The following RSPH14 variants were observed in gnomAD, a reference collection of about 807,000 sequenced individuals.
RSPH14 encodes radial spoke head 14 homolog, also known as rhabdoid tumor deletion region gene 1.
A neutral mutation model predicts 26.7 loss-of-function variants in RSPH14; 20 were observed. That is an observed-to-expected ratio of 0.75 (90% CI 0.53 to 1.09). The LOEUF is 1.09. RSPH14 is among the 50% of genes least tolerant of loss of function. The probability of loss-of-function intolerance (pLI) is 0.00; values close to 1 mark genes in which losing one functional copy is unlikely to be tolerated. For missense variants in RSPH14, 449 were observed against 457.2 expected, an observed-to-expected ratio of 0.98 and a Z score of 0.16; for synonymous variants, 177 against 189.3, an observed-to-expected ratio of 0.93 and a Z score of 0.53.
rs73384400 is a variant in RSPH14 at position 23,109,264 on chromosome 22, G to A, written c.421+24762C>T. Reference sequence around the variant, plus strand: ...CCCAAGTGAGCCTGGCAGCAGAGCCGAGGGCAGCCCCACCAAAGCCACGGA... The same window carrying A: ...CCCAAGTGAGCCTGGCAGCAGAGCCAAGGGCAGCCCCACCAAAGCCACGGA... On this transcript the variant is annotated intron_variant, in intron 4 of 6. Coordinates refer to ENST00000216036, the MANE Select transcript of RSPH14 (RefSeq NM_014433.3). Among the ~76,000 whole-genome samples the A allele has an allele frequency of 5.3e-3, 802 of 152,308 alleles. 9 individuals are homozygous for A. The highest frequency in any genetic ancestry group is 0.017 in the African/African-American group (715 of 41,582).
chr22:23,064,322 G>A (rs1245044560), intron 4 of RSPH14, among the ~76,000 whole-genome samples, 189 bp from the exon 5 acceptor site: 1 of 152,230 alleles, frequency 6.6e-6, no homozygotes, highest in Non-Finnish European at 1.5e-5. Flanking sequence ...GGCAGCTGCA[G>A]TGACAGCCAT....
the RSPH14 span, chr22:23,179,910 G>T: frequency 7.6e-6 from 2 of 261,610 alleles, no homozygotes; most frequent in South Asian, 2.3e-4. Context: ...GAGGTGTGAG[G>T]AACTTACCTG....
rs779052557 is a variant in RSPH14 at position 23,138,804 on chromosome 22, G to A, written c.302+36C>T. On this transcript the variant is annotated intron_variant, in intron 3 of 6. Transcript: ENST00000216036. ...TCCACCCAGGGGAGAAGTGCGGCTC[G>A]CAAGCGTCACACTGGTTTCCAGAAC... The A allele has an allele frequency of 9.2e-6, 14 of 1,516,376 alleles. No homozygotes were observed. In the East Asian group the frequency reaches 1.5e-4, roughly 16 times the overall value. The allele number at this position is 1,516,376 out of a possible 1,614,324, so 93.9% of individuals were successfully genotyped here.
At chr22:23,180,455 G>A in the RSPH14 span, 1 of 169,468 alleles carries the variant, frequency 5.9e-6, no homozygotes, top group Non-Finnish European at 1.3e-5. Context: ...AGGCCCGCCT[G>A]GCTCCGTCAT....
At chr22:23,149,382 G>A (rs759812332), upstream of RSPH14, among the ~76,000 whole-genome samples, 4 of 152,202 alleles carry the variant, frequency 2.6e-5, no homozygotes, top group Non-Finnish European at 5.9e-5. Context: ...GTGAGGGTGG[G>A]TGGGGTACGT....
intron 4 of RSPH14, chr22:23,070,353 T>TGGCGGCAGGCGGCG (rs1555945381): frequency 7.0e-6 from 1 of 142,308 alleles, no homozygotes; most frequent in Non-Finnish European, 1.6e-5. Context: ...ACCCGCGGAC[T>TGGCGGCAGGCGGCG]GGCGGCGGGC....
At chr22:23,131,419 G>A (rs1476590388) in intron 4 of RSPH14, 9 of 264,152 alleles carry the variant, frequency 3.4e-5, no homozygotes, top group South Asian at 3.3e-4. Context: ...TGGGTGGGGG[G>A]AGGTTCACAG....
chr22:23,147,083 CTGT>C (rs2070820657), upstream of RSPH14, among the ~76,000 whole-genome samples: 1 of 152,202 alleles, frequency 6.6e-6, no homozygotes, highest in Admixed American at 6.5e-5. Context: ...GTCATAGTTG[CTGT>C]TGTTCTCATC....
intron 4 of RSPH14, among the ~76,000 whole-genome samples, chr22:23,080,041 G>A (rs965689542): frequency 6.6e-6 from 1 of 152,162 alleles, no homozygotes; most frequent in East Asian, 1.9e-4. Flanking sequence ...GGGGAAACTG[G>A]GGAGCCAGGA....
chr22:23,161,669 C>G, the RSPH14 span: 3 of 1,035,594 alleles, frequency 2.9e-6, no homozygotes, highest in Non-Finnish European at 4.2e-6. Flanking sequence ...GTGTCGCCCT[C>G]AAGCTGTAGG....
intron 4 of RSPH14, among the ~76,000 whole-genome samples, chr22:23,104,904 AG>A (rs1167676140): frequency 6.6e-6 from 1 of 152,184 alleles, no homozygotes; most frequent in Non-Finnish European, 1.5e-5. Context: ...TGGGCATCTC[AG>A]GGGGGACACC....
chr22:23,085,982 G>A (rs78125267), intron 4 of RSPH14, among the ~76,000 whole-genome samples: 2,563 of 152,368 alleles, frequency 0.017, 76 homozygotes, highest in African/African-American at 0.059. Flanking sequence ...TTAAGCAACA[G>A]CCAGTGGCCT....
At chr22:23,060,083 C>T (rs1489029684) in intron 6 of RSPH14, among the ~76,000 whole-genome samples, 2 of 151,718 alleles carry the variant, frequency 1.3e-5, no homozygotes, top group Non-Finnish European at 2.9e-5. Context: ...GGAGACTGAG[C>T]GGGGAGGATC....
At chr22:23,090,017 G>T (rs568531751) in intron 4 of RSPH14, among the ~76,000 whole-genome samples, 1 of 152,062 alleles carries the variant, frequency 6.6e-6, no homozygotes, top group Admixed American at 6.6e-5. Flanking sequence ...AGTCCTAAGC[G>T]ACCTCCTGGT....
intron 4 of RSPH14, among the ~76,000 whole-genome samples, chr22:23,116,703 C>T (rs1410443032): frequency 6.6e-6 from 1 of 152,168 alleles, no homozygotes; most frequent in Non-Finnish European, 1.5e-5. Context: ...CCTCTCACCT[C>T]CCCACCCCCA....
chr22:23,123,449 C>T, intron 4 of RSPH14: 1 of 1,552,520 alleles, frequency 6.4e-7, no homozygotes, highest in South Asian at 1.1e-5. Context: ...GGCCCGGGGC[C>T]CGCCTGCCTA....
At chr22:23,091,905 C>T (rs1450352695) in intron 4 of RSPH14, among the ~76,000 whole-genome samples, 2 of 152,204 alleles carry the variant, frequency 1.3e-5, no homozygotes, top group Non-Finnish European at 2.9e-5. Flanking sequence ...TCCTTCAGTT[C>T]CCCTTTGTGT....
At chr22:23,158,108 C>T in the RSPH14 span, 1 of 1,601,500 alleles carries the variant, frequency 6.2e-7, no homozygotes, top group South Asian at 1.1e-5. Flanking sequence ...GAAGGGCTCC[C>T]AGACCCTGGC....
At chr22:23,094,549 C>T (rs1047769818) in intron 4 of RSPH14, among the ~76,000 whole-genome samples, 1 of 152,212 alleles carries the variant, frequency 6.6e-6, no homozygotes, top group Non-Finnish European at 1.5e-5. Context: ...CGTGCAGCCC[C>T]CAGCTCCTTG....
Sources: allele counts gnomAD v4.1 joint callset (sites outside exome capture counted in the v4.1 genomes callset), GRCh38; gene constraint gnomAD v4.1.1; transcripts MANE v1.5; gene names NCBI Gene and HGNC (gene_info 2026-07-23, HGNC 2026-07-21).